Variants in SPAG16 observed in about 807,000 individuals in gnomAD.
SPAG16 encodes the protein sperm-associated antigen 16 protein.
SPAG16 carries 86 observed loss-of-function variants against 80.4 expected under a neutral mutation model. The ratio of observed to expected loss-of-function variants is 1.07; its 90% CI spans 0.90 to 1.28. SPAG16 has a LOEUF of 1.28. Ranked by LOEUF, SPAG16 falls within the 50% of genes most tolerant of loss-of-function variation. The pLI is 0.00. For synonymous variants in SPAG16, 294 were observed against 265.9 expected, an observed-to-expected ratio of 1.11 and a Z score of -1.03; for missense variants, 870 against 765.3, an observed-to-expected ratio of 1.14 and a Z score of -1.61.
intron 10 of SPAG16, among the ~76,000 whole-genome samples, chr2:213,641,581 G>A (rs1024968360): frequency 1.3e-5 from 2 of 152,288 alleles, no homozygotes; most frequent in South Asian, 2.1e-4. Flanking sequence ...AGTCAGAAAT[G>A]GCTTCCTTGG....
chr2:214,058,324 G>T (rs1287809060), intron 13 of SPAG16, among the ~76,000 whole-genome samples: 2 of 152,104 alleles, frequency 1.3e-5, no homozygotes, highest in East Asian at 1.9e-4. Context: ...CAATGCCGTT[G>T]TCTCTCAGTG....
chr2:213,369,349 A>G (rs1656207872), intron 8 of SPAG16, among the ~76,000 whole-genome samples: 1 of 152,350 alleles, frequency 6.6e-6, no homozygotes, highest in Admixed American at 6.5e-5. Flanking sequence ...TTTCCTCAGA[A>G]GAAAAGTGAC....
intron 11 of SPAG16, among the ~76,000 whole-genome samples, chr2:213,913,736 G>C (rs1039910426): frequency 1.3e-5 from 2 of 151,984 alleles, no homozygotes; most frequent in Non-Finnish European, 2.9e-5. Flanking sequence ...TACATGCAGA[G>C]ACAGAGATAA....
At chr2:213,682,261 A>C (rs2064429100) in intron 10 of SPAG16, among the ~76,000 whole-genome samples, 1 of 152,210 alleles carries the variant, frequency 6.6e-6, no homozygotes, top group South Asian at 2.1e-4. Context: ...ATTAAGATCA[A>C]GATTGTTATA....
intron 10 of SPAG16, among the ~76,000 whole-genome samples, chr2:213,735,681 A>T (rs190817134): frequency 9.6e-4 from 146 of 152,318 alleles, no homozygotes; most frequent in African/African-American, 3.4e-3. Context: ...TCCAGCTATG[A>T]TTGCCACACT....
At chr2:214,386,791 G>A (rs768854418) in intron 15 of SPAG16, among the ~76,000 whole-genome samples, 9 of 151,542 alleles carry the variant, frequency 5.9e-5, no homozygotes, top group South Asian at 2.1e-4. Flanking sequence ...TTGAGCCCAG[G>A]AGGCCGAGGC....
chr2:213,575,183 A>G (rs1047347589), intron 10 of SPAG16, among the ~76,000 whole-genome samples: 1 of 152,162 alleles, frequency 6.6e-6, no homozygotes, highest in Non-Finnish European at 1.5e-5. Flanking sequence ...CTAGCTGAAT[A>G]TCTGATAAGA....
intron 9 of SPAG16, among the ~76,000 whole-genome samples, chr2:213,470,930 C>T (rs2073042583): frequency 6.6e-6 from 1 of 152,248 alleles, no homozygotes; most frequent in Non-Finnish European, 1.5e-5. Flanking sequence ...CATGCTGCTT[C>T]CACATCCCTG....
At chr2:213,467,023 T>C (rs2072735349) in intron 9 of SPAG16, among the ~76,000 whole-genome samples, 1 of 152,152 alleles carries the variant, frequency 6.6e-6, no homozygotes, top group African/African-American at 2.4e-5. Flanking sequence ...AGTATAGGGA[T>C]TGAGAACCAC....
intron 13 of SPAG16, among the ~76,000 whole-genome samples, chr2:214,076,468 G>C (rs1246127690): frequency 2.0e-5 from 3 of 151,850 alleles, no homozygotes; most frequent in African/African-American, 7.3e-5. Context: ...GGCCTAAAGT[G>C]AAAATTAGGG....
chr2:214,253,973 T>C lies in SPAG16; in HGVS notation c.1720+104707T>C, dbSNP rs144866050. On this transcript the variant is annotated intron_variant, in intron 15 of 15. Coordinates refer to ENST00000331683, the MANE Select transcript of SPAG16 (RefSeq NM_024532.5). ...TTCCATTTGTTTGTATCCTCTTTTA[T>C]TTCTTTGAGCAGTGGTTTGTAGTTC... is the stretch of plus-strand genomic sequence containing the variant. Among the ~76,000 whole-genome samples, 502 of 152,306 alleles carry C rather than the reference T, an allele frequency of 3.3e-3. 3 individuals are homozygous for C. The highest frequency in any genetic ancestry group is 0.011 in the African/African-American group (443 of 41,560).
chr2:213,350,974 A>G (rs1359138457), intron 7 of SPAG16, among the ~76,000 whole-genome samples: 1 of 151,600 alleles, frequency 6.6e-6, no homozygotes, highest in Non-Finnish European at 1.5e-5. Flanking sequence ...AAATACAAAA[A>G]AAAAAAAACA....
At chr2:213,664,231 T>A (rs2063523374) in intron 10 of SPAG16, among the ~76,000 whole-genome samples, 1 of 152,054 alleles carries the variant, frequency 6.6e-6, no homozygotes, top group Admixed American at 6.6e-5. Flanking sequence ...CCCAATCAGA[T>A]AATCCAGGAT....
At chr2:213,380,702 A>G (rs1034201541) in intron 9 of SPAG16, among the ~76,000 whole-genome samples, 5 of 152,232 alleles carry the variant, frequency 3.3e-5, no homozygotes, top group Admixed American at 3.3e-4. Flanking sequence ...GAGAGTAGTT[A>G]TCTGCAGAAG....
chr2:214,349,756 CTTTT>C (rs1308155817), intron 15 of SPAG16, among the ~76,000 whole-genome samples: 3 of 152,146 alleles, frequency 2.0e-5, no homozygotes, highest in African/African-American at 7.2e-5. Context: ...TGTTGTCAAT[CTTTT>C]TTGTTTTAGT....
At chr2:214,388,966 A>G (rs1700913411) in intron 15 of SPAG16, among the ~76,000 whole-genome samples, 1 of 152,248 alleles carries the variant, frequency 6.6e-6, no homozygotes. Context: ...GTAAAAGCTC[A>G]GTGACCTACC....
chr2:213,869,295 A>G (rs1342045536), intron 11 of SPAG16, among the ~76,000 whole-genome samples: 2 of 52,936 alleles, frequency 3.8e-5, no homozygotes, highest in Admixed American at 2.1e-4. Context: ...ATATATATGT[A>G]TATATATATA....
chr2:214,344,724 G>A (rs934214328), intron 15 of SPAG16, among the ~76,000 whole-genome samples: 4 of 152,038 alleles, frequency 2.6e-5, no homozygotes, highest in Non-Finnish European at 4.4e-5. Flanking sequence ...AATAACGTTC[G>A]AAACCAGAAT....
chr2:213,536,639 G>T (rs1202772821), intron 10 of SPAG16, among the ~76,000 whole-genome samples: 65 of 152,174 alleles, frequency 4.3e-4, no homozygotes, highest in Non-Finnish European at 1.5e-5. Context: ...TTTGAGAAGT[G>T]TCTGTTTATG....
Sources: gnomAD v4.1 joint callset for allele counts (sites outside exome capture counted in the v4.1 genomes callset) on GRCh38, gnomAD v4.1.1 for gene constraint, MANE v1.5 for transcripts, NCBI Gene and HGNC (gene_info 2026-07-23, HGNC 2026-07-21) for gene names.